Variants in ATXN2 observed in about 807,000 individuals in gnomAD.
ATXN2 encodes the protein ataxin 2, also known as ataxin-2.
ATXN2 carries 37 observed loss-of-function variants against 138.6 expected under a neutral mutation model. The ratio of observed to expected loss-of-function variants is 0.27; its 90% CI spans 0.21 to 0.35. The LOEUF is 0.35. Ranked by LOEUF, ATXN2 falls within the 10% of genes least tolerant of loss-of-function variation. The probability of loss-of-function intolerance (pLI) is 1.00; values close to 1 mark genes in which losing one functional copy is unlikely to be tolerated. For missense variants in ATXN2, 1,216 were observed against 1,480.3 expected, an observed-to-expected ratio of 0.82 and a Z score of 2.93; for synonymous variants, 549 against 543.7, an observed-to-expected ratio of 1.01 and a Z score of -0.13.
In ATXN2 at chr12:111,534,568, G is replaced by A. The variant is rs373289077; in HGVS notation, c.572-9252C>T. Among the ~76,000 whole-genome samples the A allele has an allele frequency of 2.6e-5, 4 of 151,560 alleles. No individual in the cohort carries two copies. The East Asian group carries it at 5.8e-4, about 22-fold the overall frequency. On this transcript the variant is annotated intron_variant, in intron 5 of 24. Transcript: ENST00000673436. ...TTTCTGAACTCCAGAAAAGTTTAAT[G>A]CATTGGGAGAGAGAAAATATACCGG...
intron 1 of ATXN2, among the ~76,000 whole-genome samples, chr12:111,576,132 T>TAACATAACATAACA (rs147474684): frequency 0.018 from 2,438 of 138,590 alleles, 84 homozygotes; most frequent in African/African-American, 0.059. Context: ...TAACATAACA[T>TAACATAACATAACA]AACATCACAC....
intron 10 of ATXN2, among the ~76,000 whole-genome samples, chr12:111,514,777 C>T (rs1375190920): frequency 1.3e-5 from 2 of 152,164 alleles, no homozygotes; most frequent in Non-Finnish European, 2.9e-5. Flanking sequence ...CGTTAGCCAC[C>T]ATGCCTGGCT....
At position 111,506,151 on chromosome 12, in the gene ATXN2, T is replaced by G. The variant is rs966764124; in HGVS notation, c.1935+3398A>C. 1.4e-4 allele frequency among the ~76,000 whole-genome samples: 21 copies of G among 152,012 alleles called. 1 individual carries two copies. The stretch of plus-strand genomic sequence containing the variant: ...ATGGAATTTGCCCCAAATAAGCCCA[T>G]CCATAGAGACAGAAAGTAGATTAAC... On this transcript the variant is annotated intron_variant, in intron 14 of 24. Transcript: ENST00000673436.
intron 18 of ATXN2, among the ~76,000 whole-genome samples, chr12:111,472,961 C>T (rs546137883): frequency 6.6e-6 from 1 of 152,246 alleles, no homozygotes; most frequent in African/African-American, 2.4e-5. Context: ...CATTTCTTCT[C>T]AAGTTAATTT....
Position 111,488,524 on chromosome 12 carries a change from G to A in ATXN2, c.2192C>T (p.Ala731Val). Residue 731 changes from alanine (A) to valine (V), a missense_variant, in exon 15 of 25, where the codon GCA becomes GTA. Ala to Val is a moderately conservative substitution (Grantham distance 64). Coordinates refer to ENST00000673436, the MANE Select transcript of ATXN2 (RefSeq NM_001372574.1). ...CTTATCGTCTTTCTCTTGTTTACAT[G>A]CTGGGCTGGAAGTCTGAACCCCTTG... ...TSQGVQTSSP[A>V]CKQEKDDKEE... is the part of the protein sequence containing the mutation. 5.0e-6 allele frequency: 8 copies of A among 1,613,978 alleles called. No individual in the cohort carries two copies. Among genetic ancestry groups the A allele is most frequent in the Non-Finnish European group, 6.8e-6 (8 of 1,179,930 alleles).
In ATXN2 at chr12:111,498,278, A is replaced by C. The variant is rs375609458; in HGVS notation, c.1936-9498T>G. 3.3e-5 allele frequency among the ~76,000 whole-genome samples: 5 copies of C among 152,326 alleles called. No homozygotes were observed. The East Asian group carries it at 9.6e-4, about 29-fold the overall frequency. On this transcript the variant is annotated intron_variant, in intron 14 of 24. Transcript: ENST00000673436. ...TCCACACTGGAATGGAAGAAGTCAA[A>C]TTATCCTTGTTTGCAGATAATATGA...
At chr12:111,511,152 T>C (rs1210537200) in intron 11 of ATXN2, 9 of 152,220 alleles carry the variant, frequency 5.9e-5, no homozygotes, top group Admixed American at 5.9e-4. Context: ...CTTCCAAGTA[T>C]ATATCTAATA....
At position 111,568,991 on chromosome 12, in the gene ATXN2, TTTTTGTTTTG is replaced by T. The variant is rs138147841; in HGVS notation, c.252-13082_252-13073del. Among the ~76,000 whole-genome samples the T allele has an allele frequency of 1.6e-3, 239 of 151,172 alleles. 1 individual carries two copies. In the East Asian group the frequency reaches 0.019, roughly 12 times the overall value. ...CCCAAACACAGTGAAGCTAGAGTTT[TTTTTGTTTTG>T]TTTTGTTTTGTTTTGTTTTTAGGAA... On this transcript the variant is annotated intron_variant, in intron 1 of 24. Coordinates refer to ENST00000673436, the MANE Select transcript of ATXN2 (RefSeq NM_001372574.1).
intron 14 of ATXN2, among the ~76,000 whole-genome samples, chr12:111,492,066 A>T (rs1878069784): frequency 6.6e-6 from 1 of 152,182 alleles, no homozygotes; most frequent in Admixed American, 6.5e-5. Context: ...TGGTGGCCAG[A>T]AAATAGCTGC....
At chr12:111,483,601 C>T (rs1228197781) in intron 18 of ATXN2, among the ~76,000 whole-genome samples, 1 of 151,856 alleles carries the variant, frequency 6.6e-6, no homozygotes, top group Non-Finnish European at 1.5e-5. Context: ...AAGTGATCTG[C>T]CCACCTCGGC....
At chr12:111,543,984 G>A (rs1032851776) in intron 5 of ATXN2, among the ~76,000 whole-genome samples, 1 of 152,060 alleles carries the variant, frequency 6.6e-6, no homozygotes, top group African/African-American at 2.4e-5. Flanking sequence ...AGGCTGAGGT[G>A]GGAGAGTCGC....
chr12:111,466,190 T>A (rs1302976260), intron 20 of ATXN2, among the ~76,000 whole-genome samples: 4 of 120,598 alleles, frequency 3.3e-5, no homozygotes, highest in East Asian at 2.5e-4. Context: ...AAATAAAAAA[T>A]AAATAAAAAA....
chr12:111,503,194 T>C (rs1424255276), intron 14 of ATXN2, among the ~76,000 whole-genome samples: 4 of 152,342 alleles, frequency 2.6e-5, no homozygotes, highest in Non-Finnish European at 4.4e-5. Context: ...TGTGAACAAA[T>C]GCAGTTTGGG....
intron 1 of ATXN2, among the ~76,000 whole-genome samples, chr12:111,569,527 A>G (rs765964430): frequency 2.0e-5 from 3 of 152,168 alleles, no homozygotes; most frequent in Non-Finnish European, 4.4e-5. Flanking sequence ...ACCAGCCTGG[A>G]CAACATGGCG....
At chr12:111,551,539 TTTTTCA>T (rs1291623445) in intron 5 of ATXN2, among the ~76,000 whole-genome samples, 1 of 152,196 alleles carries the variant, frequency 6.6e-6, no homozygotes, top group African/African-American at 2.4e-5. Context: ...TTCTTCACCC[TTTTTCA>T]TTTTCATTAG....
chr12:111,552,578 C>A lies in ATXN2; in HGVS notation c.421-148G>T. The A allele has an allele frequency of 1.3e-6, 1 of 780,672 alleles. No homozygotes were observed. Among genetic ancestry groups the A allele is most frequent in the Non-Finnish European group, 1.9e-6 (1 of 522,184 alleles). The allele number at this position is 780,672 out of a possible 1,614,324, so 48.4% of individuals were successfully genotyped here. A position where few individuals can be genotyped will look rare whatever the true frequency, so the allele number is the denominator to read the frequency against. Reference sequence around the variant, plus strand: ...ATACCCTTTTTCCCAGGCATATGATCTATTATCCATTCCATCATTTAAAAA... The same window carrying A: ...ATACCCTTTTTCCCAGGCATATGATATATTATCCATTCCATCATTTAAAAA... On this transcript the variant is annotated intron_variant, in intron 4 of 24. Coordinates refer to ENST00000673436, the MANE Select transcript of ATXN2 (RefSeq NM_001372574.1). This position sits in a 1 kb window ranked among gnomAD's most constrained non-coding sequence, Gnocchi z 4.1.
chr12:111,453,670 G>T lies in ATXN2; in HGVS notation c.3439+7C>A. 1 of 1,581,356 alleles carries T rather than the reference G, an allele frequency of 6.3e-7. No homozygotes were observed. The highest frequency in any genetic ancestry group is 8.6e-7 in the Non-Finnish European group (1 of 1,161,098). The stretch of plus-strand genomic sequence containing the variant: ...GCCCCGGCGGCCCCTGCACACACAC[G>T]CCTCACCTGAAGGGTGCGTCATATA... On this transcript the variant is annotated splice_region_variant and intron_variant, in intron 24 of 24. Transcript: ENST00000673436. The surrounding 1 kb of genome is among the most constrained non-coding windows in gnomAD (Gnocchi z 5.4).
intron 5 of ATXN2, among the ~76,000 whole-genome samples, chr12:111,528,739 G>A (rs1225768721): frequency 6.6e-6 from 1 of 152,156 alleles, no homozygotes; most frequent in Non-Finnish European, 1.5e-5. Context: ...CTTAGGGGAA[G>A]ATGTGCAGAA....
chr12:111,479,242 T>C (rs1877039708), intron 18 of ATXN2: 2 of 285,104 alleles, frequency 7.0e-6, no homozygotes, highest in Admixed American at 5.2e-5. Context: ...TAAAATGAAA[T>C]GCTACCCAGC....
Sources: gnomAD v4.1 joint callset for allele counts (sites outside exome capture counted in the v4.1 genomes callset) on GRCh38, gnomAD v4.1.1 for gene constraint, Gnocchi (gnomAD v3.1) non-coding constraint, MANE v1.5 for transcripts, NCBI Gene and HGNC (gene_info 2026-07-23, HGNC 2026-07-21) for gene names.